The following CLSTN3 variants were observed in gnomAD, a reference collection of about 807,000 sequenced individuals.
The protein encoded by CLSTN3 is calsyntenin 3.
Under a neutral mutation model 95.9 loss-of-function variants are expected in CLSTN3, and 36 were observed. That is an observed-to-expected ratio of 0.38 (90% CI 0.29 to 0.50). The LOEUF (loss-of-function observed/expected upper bound fraction) is 0.50. Ranked by LOEUF, CLSTN3 falls within the 20% of genes least tolerant of loss-of-function variation. The probability of loss-of-function intolerance (pLI) is 0.95; values close to 1 mark genes in which losing one functional copy is unlikely to be tolerated. For synonymous variants in CLSTN3, 481 were observed against 504.0 expected, an observed-to-expected ratio of 0.95 and a Z score of 0.61; for missense variants, 1,084 against 1,268.8, an observed-to-expected ratio of 0.85 and a Z score of 2.21.
chr12:7,156,402 C>T (rs866840741), intron 16 of CLSTN3: 13 of 456,412 alleles, frequency 2.8e-5, no homozygotes, highest in African/African-American at 1.2e-4. Context: ...GTGGCCCTCA[C>T]GGCCCACGTC....
At chr12:7,134,131 C>T (rs1939360265) in intron 3 of CLSTN3, among the ~76,000 whole-genome samples, 1 of 152,126 alleles carries the variant, frequency 6.6e-6, no homozygotes, top group Non-Finnish European at 1.5e-5. Context: ...CACCACAGTG[C>T]CTGATACACG....
In CLSTN3 at chr12:7,150,777, A is replaced by C. The variant is rs1939710103; in HGVS notation, c.2391+88A>C. On this transcript the variant is annotated intron_variant, in intron 15 of 17. Transcript: ENST00000266546. The surrounding 1 kb of genome is among the most constrained non-coding windows in gnomAD (Gnocchi z 4.0). Reference sequence around the variant, plus strand: ...GGACTCAAAATGTTAGTTGGTGGGCATGGACATGGCAGCGTGGAGGGCTGC... The same window carrying C: ...GGACTCAAAATGTTAGTTGGTGGGCCTGGACATGGCAGCGTGGAGGGCTGC... 6.3e-7 allele frequency: 1 copy of C among 1,576,662 alleles called. No individual in the cohort carries two copies. The highest frequency in any genetic ancestry group is 8.7e-7 in the Non-Finnish European group (1 of 1,154,632).
intron 10 of CLSTN3, 145 bp downstream of exon 10, chr12:7,142,284 C>T: frequency 1.5e-6 from 1 of 675,094 alleles, no homozygotes; most frequent in Non-Finnish European, 2.5e-6. Context: ...TACAGCAGGG[C>T]AGGGGCTCCT....
Position 7,150,716 on chromosome 12 carries a change from C to T in CLSTN3, c.2391+27C>T. The T allele has an allele frequency of 6.2e-7, 1 of 1,605,294 alleles. No homozygotes were observed. The highest frequency in any genetic ancestry group is 8.5e-7 in the Non-Finnish European group (1 of 1,172,640). On this transcript the variant is annotated intron_variant, in intron 15 of 17. Transcript: ENST00000266546. This position sits in a 1 kb window ranked among gnomAD's most constrained non-coding sequence, Gnocchi z 4.0. ...TACCCAGAGAGTCTCCTTCCTTCCACAGTTACCCACCCCCAGAAAGGAGCT... is the reference window on the plus strand; with the variant it reads ...TACCCAGAGAGTCTCCTTCCTTCCATAGTTACCCACCCCCAGAAAGGAGCT...
intron 5 of CLSTN3, 29 bp from the exon 6 acceptor site, chr12:7,136,177 C>G: frequency 6.2e-7 from 1 of 1,605,108 alleles, no homozygotes; most frequent in Non-Finnish European, 8.5e-7. Context: ...TTCTCTCTCC[C>G]CATCACCCTC....
chr12:7,137,175 G>A lies in CLSTN3; in HGVS notation c.1210+65G>A. ...GGCTTCTTGTCCCGCCTCTGTCACT[G>A]CCCAGTGTGTGACTGTGAACAGGTC... On this transcript the variant is annotated intron_variant, in intron 7 of 17. Coordinates refer to ENST00000266546, the MANE Select transcript of CLSTN3 (RefSeq NM_014718.4). The surrounding 1 kb of genome is among the most constrained non-coding windows in gnomAD (Gnocchi z 4.4). 1 of 1,509,922 alleles carries A rather than the reference G, an allele frequency of 6.6e-7. No homozygotes were observed. Among genetic ancestry groups the A allele is most frequent in the East Asian group, 2.3e-5 (1 of 43,706 alleles). 93.5% of individuals were successfully genotyped at this position (1,509,922 alleles called of 1,614,324 possible).
At chr12:7,153,899 G>A (rs141477417) in intron 16 of CLSTN3, among the ~76,000 whole-genome samples, 5 of 152,232 alleles carry the variant, frequency 3.3e-5, no homozygotes, top group African/African-American at 9.6e-5. Flanking sequence ...GGCGGGCAGC[G>A]TTTCTCACCC....
chr12:7,130,519 C>T lies in CLSTN3; in HGVS notation c.-130C>T, dbSNP rs962210376. The stretch of plus-strand genomic sequence containing the variant: ...ATGGACTAGTGTGGGCGGCAGGCTC[C>T]TTTCCGTCCCTGCCCTGCTGTACCC... On this transcript the variant is annotated 5_prime_UTR_variant, in exon 1 of 18. Transcript: ENST00000266546. 2.6e-6 allele frequency: 4 copies of T among 1,539,880 alleles called. No homozygotes were observed. Among genetic ancestry groups the T allele is most frequent in the Non-Finnish European group, 3.5e-6 (4 of 1,145,668 alleles).
chr12:7,132,207 G>A (rs1939318154), intron 1 of CLSTN3, among the ~76,000 whole-genome samples: 1 of 152,130 alleles, frequency 6.6e-6, no homozygotes, highest in Non-Finnish European at 1.5e-5. Flanking sequence ...ATTGAGTTCT[G>A]TATAAAAAGT....
rs143159646 is a variant in CLSTN3 at position 7,137,977 on chromosome 12, G to A, written c.1233G>A (p.Ser411=). The change falls in exon 8 of 18, where the codon TCG becomes TCA. Residue 411 remains serine, a synonymous_variant. Transcript: ENST00000266546. The surrounding 1 kb of genome is among the most constrained non-coding windows in gnomAD (Gnocchi z 4.4). ...CAGAGGACGGCTTCTCTCACTACTC[G>A]CTGACTGTCCACGGCTGTAGGATTG... ...VQNEDGFSHY[S]LTVHGCRIAF... 2.5e-3 allele frequency: 4,064 copies of A among 1,613,568 alleles called. 10 individuals carry two copies. Among genetic ancestry groups the A allele is most frequent in the Non-Finnish European group, 2.9e-3 (3,394 of 1,179,774 alleles).
chr12:7,137,312 G>A lies in CLSTN3; in HGVS notation c.1210+202G>A, dbSNP rs764267031. On this transcript the variant is annotated intron_variant, in intron 7 of 17. Coordinates refer to ENST00000266546, the MANE Select transcript of CLSTN3 (RefSeq NM_014718.4). This position sits in a 1 kb window ranked among gnomAD's most constrained non-coding sequence, Gnocchi z 4.4. Reference sequence around the variant, plus strand: ...TCGTACTGCTGTCAGAGTGCAATGGGATTCCTTGCTGCTACTCTTGTTTTC... The same window carrying A: ...TCGTACTGCTGTCAGAGTGCAATGGAATTCCTTGCTGCTACTCTTGTTTTC... The A allele has an allele frequency of 1.7e-6, 1 of 590,302 alleles. No individual in the cohort carries two copies. Among genetic ancestry groups the A allele is most frequent in the Non-Finnish European group, 3.0e-6 (1 of 336,882 alleles). The allele number at this position is 590,302 out of a possible 1,614,324, so 36.6% of individuals were successfully genotyped here.
At chr12:7,140,920 G>C (rs929827613) in intron 8 of CLSTN3, among the ~76,000 whole-genome samples, 1 of 152,120 alleles carries the variant, frequency 6.6e-6, no homozygotes. Flanking sequence ...AGTTTCCAGT[G>C]CCTTACACAC....
chr12:7,130,303 T>TGGGCCCCCCCCCCC, upstream of CLSTN3: 1 of 778,326 alleles, frequency 1.3e-6, no homozygotes, highest in Non-Finnish European at 1.6e-6. Flanking sequence ...CAGCACCTGG[T>TGGGCCCCCCCCCCC]CCCCCCCCCT....
intron 16 of CLSTN3, among the ~76,000 whole-genome samples, chr12:7,155,115 A>G (rs1171842823): frequency 2.0e-5 from 3 of 152,196 alleles, no homozygotes; most frequent in Non-Finnish European, 2.9e-5. Flanking sequence ...TGTCCTCGCA[A>G]TCCCATGGAC....
rs1196713544 is a variant in CLSTN3 at position 7,157,335 on chromosome 12, T to C, written c.2528-154T>C. Among the ~76,000 whole-genome samples, 2 of 152,184 alleles carry C rather than the reference T, an allele frequency of 1.3e-5. No individual in the cohort carries two copies. Among genetic ancestry groups the C allele is most frequent in the Admixed American group, 1.3e-4 (2 of 15,280 alleles). On this transcript the variant is annotated intron_variant, in intron 16 of 17. Coordinates refer to ENST00000266546, the MANE Select transcript of CLSTN3 (RefSeq NM_014718.4). This position sits in a 1 kb window ranked among gnomAD's most constrained non-coding sequence, Gnocchi z 5.9. ...CCTTCCTGGTGGGCTGTTTCTCTTC[T>C]GGCTTCTCCAGGTGTTCCTCTCTTC...
rs1279802788 is a variant in CLSTN3, at chr12:7,148,178, A to AAGAAAGAAAGAG, written c.1848-783_1848-782insGAGAAAGAAAGA. 2.4e-4 allele frequency among the ~76,000 whole-genome samples: 28 copies of AAGAAAGAAAGAG among 118,870 alleles called. No homozygotes were observed. In the South Asian group the frequency reaches 9.4e-3, roughly 40 times the overall value. The allele number at this position is 118,870 out of a possible 152,430, so 78.0% of individuals were successfully genotyped here. A position where few individuals can be genotyped will look rare whatever the true frequency, so the allele number is the denominator to read the frequency against. On this transcript the variant is annotated intron_variant, in intron 12 of 17. Coordinates refer to ENST00000266546, the MANE Select transcript of CLSTN3 (RefSeq NM_014718.4). ...TCAAAAAGAAAGAAAGAAAGAAAGA[A>AAGAAAGAAAGAG]AGAAAGAAAGAAAGAAAGAAAGAAA...
intron 8 of CLSTN3, chr12:7,138,853 A>G (rs1565650287): frequency 6.6e-6 from 1 of 151,112 alleles, no homozygotes; most frequent in South Asian, 2.1e-4. Context: ...AAAAAAAAAA[A>G]AAAGCATTAG....
chr12:7,148,172 GAAAGAAA>G (rs982646063), intron 12 of CLSTN3, among the ~76,000 whole-genome samples: 1 of 110,242 alleles, frequency 9.1e-6, no homozygotes, highest in Non-Finnish European at 1.8e-5. Context: ...AAGAAAGAAA[GAAAGAAA>G]GAAAGAAAGA....
Position 7,158,018 on chromosome 12 carries a change from G to A in CLSTN3, c.2808G>A (p.Glu936=). Residue 936 remains glutamate (E), a synonymous_variant, in exon 18 of 18, where the codon GAG becomes GAA. Transcript: ENST00000266546. ...AGGATGAGGACAGCAGTGACTCGGAGGTGGCCGATTCCCCCAGCAGCGACG... is the reference window on the plus strand; with the variant it reads ...AGGATGAGGACAGCAGTGACTCGGAAGTGGCCGATTCCCCCAGCAGCGACG... The part of the protein sequence containing the change: ...QQEDEDSSDS[E]VADSPSSDER... 2 of 1,550,966 alleles carry A rather than the reference G, an allele frequency of 1.3e-6. No homozygotes were observed. The highest frequency in any genetic ancestry group is 1.2e-5 in the South Asian group (1 of 83,956).
Sources: allele counts gnomAD v4.1 joint callset (sites outside exome capture counted in the v4.1 genomes callset), GRCh38; gene constraint gnomAD v4.1.1; non-coding constraint Gnocchi (gnomAD v3.1); transcripts MANE v1.5; gene names NCBI Gene and HGNC (gene_info 2026-07-23, HGNC 2026-07-21).